ITPR1: variants seen among roughly 807,000 people sequenced by gnomAD.
ITPR1 encodes inositol 1,4,5-trisphosphate receptor type 1, also known as inositol 1,4,5-trisphosphate-gated calcium channel ITPR1.
In ITPR1, 96 loss-of-function variants were observed where a neutral mutation model predicts 318.4. The observed-to-expected ratio is 0.30, with a 90% CI of 0.26 to 0.36. ITPR1 has a LOEUF of 0.36. ITPR1 is among the 10% of genes least tolerant of loss of function. The pLI, the probability that ITPR1 is intolerant of heterozygous loss-of-function variation, is 1.00. For synonymous variants in ITPR1, 1,312 were observed against 1,289.9 expected, an observed-to-expected ratio of 1.02 and a Z score of -0.37; for missense variants, 2,440 against 3,460.2, an observed-to-expected ratio of 0.71 and a Z score of 7.40.
chr3:4,714,502 C>G (rs2041622297), intron 39 of ITPR1, among the ~76,000 whole-genome samples: 1 of 152,138 alleles, frequency 6.6e-6, no homozygotes, highest in African/African-American at 2.4e-5. Context: ...TCTCCCTGTG[C>G]CTACGAGGAG....
chr3:4,734,114 C>T (rs748264963), intron 43 of ITPR1, among the ~76,000 whole-genome samples: 15 of 152,208 alleles, frequency 9.9e-5, no homozygotes, highest in South Asian at 4.1e-4. Flanking sequence ...AGCATAGCTG[C>T]CCAGTTCATG....
chr3:4,645,883 A>C, intron 10 of ITPR1, 155 bp downstream of exon 10: 1 of 667,764 alleles, frequency 1.5e-6, no homozygotes. Flanking sequence ...CACAGAATAC[A>C]TGTGTGTGTA....
chr3:4,700,451 G>A lies in ITPR1; in HGVS notation c.4536+510G>A, dbSNP rs958413577. On this transcript the variant is annotated intron_variant, in intron 35 of 61. Transcript: ENST00000649015. ...ATGAATAAATGAGACTCAGGAGAGC[G>A]GTAGAGACCAGAGATAAACATGTAC... Among the ~76,000 whole-genome samples, 4 of 152,304 alleles carry A rather than the reference G, an allele frequency of 2.6e-5. 1 individual carries two copies. Among genetic ancestry groups the A allele is most frequent in the South Asian group, 2.1e-4 (1 of 4,826 alleles).
intron 4 of ITPR1, among the ~76,000 whole-genome samples, chr3:4,623,651 C>T (rs12494610): frequency 0.29 from 43,843 of 151,870 alleles, 6,425 homozygotes; most frequent in South Asian, 0.32. Flanking sequence ...CTCTGCTGTG[C>T]CATCCAAATA....
intron 45 of ITPR1, 118 bp from the exon 46 acceptor site, chr3:4,768,393 C>A: frequency 1.6e-6 from 2 of 1,229,186 alleles, no homozygotes; most frequent in South Asian, 1.8e-5. Flanking sequence ...GAGTGTTTTG[C>A]CAACTTTGAA....
chr3:4,775,129 C>A, intron 46 of ITPR1, 113 bp from the exon 47 acceptor site: 2 of 796,898 alleles, frequency 2.5e-6, no homozygotes, highest in Non-Finnish European at 4.4e-6. Flanking sequence ...TCCCACGTGG[C>A]ATCTCTCTGT....
chr3:4,581,201 C>T (rs1559483340), intron 4 of ITPR1, among the ~76,000 whole-genome samples: 1 of 152,182 alleles, frequency 6.6e-6, no homozygotes. Flanking sequence ...TTTGCCGAGG[C>T]AGCATCAGCA....
rs1425060208 is a variant in ITPR1, at chr3:4,725,571, A to T, written c.5162A>T (p.Asn1721Ile). 6 of 1,599,000 alleles carry T rather than the reference A, an allele frequency of 3.8e-6. No homozygotes were observed. Among genetic ancestry groups the T allele is most frequent in the Non-Finnish European group, 4.2e-6 (5 of 1,179,582 alleles). The change falls in exon 41 of 62, where the codon AAC becomes ATC. Residue 1721 changes from asparagine to isoleucine, a missense_variant. Around this residue, in one of 23 missense-constraint regions of ITPR1, gnomAD observed 166 missense variants for 143.7 expected, o/e 1.16. Coordinates refer to ENST00000649015, the MANE Select transcript of ITPR1 (RefSeq NM_001378452.1). ...AELPPAPDSE[N>I]ATEELEPSPP... ...CTTCCTCCAGCTCCGGATTCTGAGAACGCCACTGAGGTGTGTTGCCCGCCT... is the reference window on the plus strand; with the variant it reads ...CTTCCTCCAGCTCCGGATTCTGAGATCGCCACTGAGGTGTGTTGCCCGCCT...
chr3:4,759,141 G>A (rs2045247101), intron 44 of ITPR1, among the ~76,000 whole-genome samples: 1 of 152,192 alleles, frequency 6.6e-6, no homozygotes, highest in Non-Finnish European at 1.5e-5. Context: ...GGCCGTCACT[G>A]TCCACTAGCC....
intron 2 of ITPR1, among the ~76,000 whole-genome samples, chr3:4,502,810 C>T (rs770827319): frequency 3.3e-5 from 5 of 151,952 alleles, no homozygotes; most frequent in East Asian, 2.0e-4. Context: ...AGCCAGGCAT[C>T]GTGGCTCACG....
At chr3:4,775,038 A>G (rs1287213741) in intron 46 of ITPR1, among the ~76,000 whole-genome samples, 2 of 152,204 alleles carry the variant, frequency 1.3e-5, no homozygotes, top group African/African-American at 4.8e-5. Context: ...AGCAGGTTGC[A>G]TTGTTGAGGG....
chr3:4,540,474 A>G (rs1207903041), intron 4 of ITPR1, among the ~76,000 whole-genome samples: 1 of 152,204 alleles, frequency 6.6e-6, no homozygotes, highest in African/African-American at 2.4e-5. Flanking sequence ...TAGTCCATTT[A>G]CATTTGTTGT....
At chr3:4,681,325 A>T in intron 25 of ITPR1, 39 bp from the exon 26 acceptor site, 1 of 1,476,096 alleles carries the variant, frequency 6.8e-7, no homozygotes, top group Non-Finnish European at 9.5e-7. Flanking sequence ...ATGTTTGCAG[A>T]CCTTCCTGCA....
rs908100418 is a variant in ITPR1, at chr3:4,582,835, T to A, written c.164-44928T>A. On this transcript the variant is annotated intron_variant, in intron 4 of 61. Transcript: ENST00000649015. ...GAAAAATGTATGGAATGTGTTCTCC[T>A]TCTTCCAGCTCTGTGCGTGCTTCAG... Among the ~76,000 whole-genome samples the A allele has an allele frequency of 3.3e-5, 5 of 152,254 alleles. No individual in the cohort carries two copies. In the South Asian group the frequency reaches 1.0e-3, roughly 31 times the overall value.
intron 34 of ITPR1, among the ~76,000 whole-genome samples, chr3:4,699,369 G>A (rs1417635554): frequency 6.6e-6 from 1 of 150,914 alleles, no homozygotes; most frequent in Admixed American, 6.6e-5. Context: ...AACAAAAAAA[G>A]GATTGGAGAC....
intron 60 of ITPR1, among the ~76,000 whole-genome samples, chr3:4,835,965 A>G (rs1393509138): frequency 6.6e-6 from 1 of 152,112 alleles, no homozygotes; most frequent in African/African-American, 2.4e-5. Flanking sequence ...TGGAAGGAAA[A>G]GGAAACAAGA....
intron 4 of ITPR1, among the ~76,000 whole-genome samples, chr3:4,606,494 C>T (rs894093449): frequency 6.6e-6 from 1 of 152,130 alleles, no homozygotes; most frequent in African/African-American, 2.4e-5. Context: ...CACAGAATCA[C>T]AGAAATAGTC....
intron 60 of ITPR1, among the ~76,000 whole-genome samples, chr3:4,828,772 A>G (rs935815892): frequency 6.6e-6 from 1 of 152,178 alleles, no homozygotes; most frequent in African/African-American, 2.4e-5. Flanking sequence ...GGAGTCTGGG[A>G]AGGGTGATTG....
intron 4 of ITPR1, among the ~76,000 whole-genome samples, chr3:4,566,469 T>G (rs2087262344): frequency 6.6e-6 from 1 of 152,066 alleles, no homozygotes; most frequent in South Asian, 2.1e-4. Context: ...AATAAAGAGC[T>G]TAAAGGTAAG....
Sources: gnomAD v4.1 joint callset for allele counts (sites outside exome capture counted in the v4.1 genomes callset) on GRCh38, gnomAD v4.1.1 for gene constraint, gnomAD v4.1.1 regional missense constraint, MANE v1.5 for transcripts, NCBI Gene and HGNC (gene_info 2026-07-23, HGNC 2026-07-21) for gene names.